Variants in AKAP10 observed in about 807,000 individuals in gnomAD.
AKAP10 encodes the protein A-kinase anchor protein 10, mitochondrial.
Under a neutral mutation model 80.8 loss-of-function variants are expected in AKAP10, and 24 were observed. That is an observed-to-expected ratio of 0.30 (90% CI 0.22 to 0.42). The LOEUF (loss-of-function observed/expected upper bound fraction) is 0.42, where lower values mean the gene tolerates loss of function less well. Ranked by LOEUF, AKAP10 falls within the 10% of genes least tolerant of loss-of-function variation. The pLI, the probability that AKAP10 is intolerant of heterozygous loss-of-function variation, is 1.00. For synonymous variants in AKAP10, 291 were observed against 277.7 expected (o/e 1.05, Z -0.48); for missense variants, 661 against 794.9 (o/e 0.83, Z 2.03).
At chr17:19,909,326 C>T (rs1346469277) in intron 13 of AKAP10, 50 bp from the exon 14 acceptor site, 6 of 1,484,016 alleles carry the variant, frequency 4.0e-6, no homozygotes, top group Non-Finnish European at 5.6e-6. Context: ...TTAGATGGAT[C>T]GAGATGCACA....
At chr17:19,910,605 C>G (rs377728024) in intron 12 of AKAP10, among the ~76,000 whole-genome samples, 4 of 152,102 alleles carry the variant, frequency 2.6e-5, no homozygotes, top group African/African-American at 9.7e-5. Flanking sequence ...TTGTGGCAAA[C>G]ATTAAAAAAC....
At chr17:19,966,025 G>T (rs1345528741) in intron 2 of AKAP10, among the ~76,000 whole-genome samples, 1 of 152,068 alleles carries the variant, frequency 6.6e-6, no homozygotes, top group Non-Finnish European at 1.5e-5. Flanking sequence ...ACTTAGGTTT[G>T]CTAGACTCTA....
intron 3 of AKAP10, among the ~76,000 whole-genome samples, chr17:19,961,868 C>G (rs1272381296): frequency 6.6e-6 from 1 of 152,130 alleles, no homozygotes. Flanking sequence ...GTAATCCCAG[C>G]ACTTTGGGAG....
chr17:19,927,292 C>T (rs2042885077), intron 10 of AKAP10, among the ~76,000 whole-genome samples: 1 of 151,984 alleles, frequency 6.6e-6, no homozygotes, highest in African/African-American at 2.4e-5. Context: ...TGTGATTGTG[C>T]CACTGCACTC....
intron 9 of AKAP10, among the ~76,000 whole-genome samples, chr17:19,934,068 T>A (rs1430761287): frequency 6.6e-6 from 1 of 151,988 alleles, no homozygotes; most frequent in Non-Finnish European, 1.5e-5. Flanking sequence ...ATTACAGGCA[T>A]GCACCACCAC....
intron 13 of AKAP10, 51 bp downstream of exon 13, chr17:19,909,875 G>A: frequency 6.4e-7 from 1 of 1,561,680 alleles, no homozygotes; most frequent in African/African-American, 1.4e-5. Flanking sequence ...TCACTTACAT[G>A]AGGGTGGCAC....
At chr17:19,973,947 T>A (rs1003472877) in intron 1 of AKAP10, among the ~76,000 whole-genome samples, 5 of 152,238 alleles carry the variant, frequency 3.3e-5, no homozygotes, top group African/African-American at 1.2e-4. Context: ...CTCATGCCTG[T>A]AATCCCAGCC....
chr17:19,968,815 C>G (rs2043457139), intron 1 of AKAP10, among the ~76,000 whole-genome samples: 1 of 152,126 alleles, frequency 6.6e-6, no homozygotes, highest in Non-Finnish European at 1.5e-5. Flanking sequence ...ATAATAAAAA[C>G]TACCTTAGAG....
intron 2 of AKAP10, among the ~76,000 whole-genome samples, chr17:19,964,049 G>A (rs909264024): frequency 3.3e-5 from 5 of 152,132 alleles, no homozygotes; most frequent in Non-Finnish European, 5.9e-5. Flanking sequence ...AATGAAGAGT[G>A]ACTGTCTTCA....
intron 11 of AKAP10, among the ~76,000 whole-genome samples, chr17:19,923,964 G>A (rs901251568): frequency 6.6e-6 from 1 of 152,192 alleles, no homozygotes; most frequent in Non-Finnish European, 1.5e-5. Context: ...GCTATCTTTA[G>A]GGAAGAGAAA....
Position 19,958,254 on chromosome 17 carries a change from C to T in AKAP10, c.637G>A (p.Ala213Thr). ...TCTGAATGAGTCATAAACAACTGTG[C>T]TGAGCCAGAATCCTCCAATCTCTTA... is the stretch of plus-strand genomic sequence containing the variant. ...LDKRLEDSGS[A>T]QLFMTHSEGI... Residue 213 changes from alanine to threonine, a missense_variant, in exon 4 of 15, where the codon GCA becomes ACA. By Grantham distance (58) the Ala-to-Thr change is moderately conservative (BLOSUM62 0). Transcript: ENST00000225737. 2 of 1,614,206 alleles carry T rather than the reference C, an allele frequency of 1.2e-6. No individual in the cohort carries two copies.
chr17:19,943,449 C>A (rs73980759), intron 5 of AKAP10, among the ~76,000 whole-genome samples: 1,869 of 152,180 alleles, frequency 0.012, 36 homozygotes, highest in African/African-American at 0.043. Context: ...CCACAAAAAA[C>A]CCAAAAGGAC....
At chr17:19,915,107 A>G (rs1426675286) in intron 12 of AKAP10, among the ~76,000 whole-genome samples, 7 of 152,202 alleles carry the variant, frequency 4.6e-5, no homozygotes, top group African/African-American at 1.7e-4. Flanking sequence ...TCTCATCTCT[A>G]ATGTAATCAC....
chr17:19,909,949 A>G lies in AKAP10; in HGVS notation c.1864T>C (p.Trp622Arg). ...GSMFSQAMKK[W>R]VQGNTDEAQE... is the part of the protein sequence containing the mutation. The stretch of plus-strand genomic sequence containing the variant: ...ACCTCATCAGTATTTCCTTGCACCC[A>G]TTTCTTCATAGCTTGTGAGAACATG... Residue 622 changes from tryptophan to arginine, a missense_variant, in exon 13 of 15, where the codon TGG becomes CGG. Trp to Arg is a moderately radical substitution (Grantham distance 101, BLOSUM62 -3). Coordinates refer to ENST00000225737, the MANE Select transcript of AKAP10 (RefSeq NM_007202.4). 6.2e-7 allele frequency: 1 copy of G among 1,613,878 alleles called. No individual in the cohort carries two copies. Among genetic ancestry groups the G allele is most frequent in the South Asian group, 1.1e-5 (1 of 91,058 alleles).
Position 19,936,282 on chromosome 17 carries a change from T to C in AKAP10, c.1467+4A>G. 6.2e-7 allele frequency: 1 copy of C among 1,607,420 alleles called. No individual in the cohort carries two copies. Among genetic ancestry groups the C allele is most frequent in the South Asian group, 1.1e-5 (1 of 90,048 alleles). On this transcript the variant is annotated splice_donor_region_variant and intron_variant, in intron 9 of 14. Coordinates refer to ENST00000225737, the MANE Select transcript of AKAP10 (RefSeq NM_007202.4). ...AGTTTGATACGTTTGAAGTTCTGGG[T>C]TACCTTCTCCATGGTTGTCCAGGCC...
At chr17:19,928,378 C>T (rs962408090) in intron 10 of AKAP10, among the ~76,000 whole-genome samples, 1 of 152,188 alleles carries the variant, frequency 6.6e-6, no homozygotes, top group African/African-American at 2.4e-5. Context: ...TGAAGTAGAA[C>T]TTATTGGAAT....
chr17:19,909,888 A>ATCC (rs2042670385), intron 13 of AKAP10, 38 bp downstream of exon 13: 2 of 1,604,478 alleles, frequency 1.2e-6, no homozygotes, highest in Non-Finnish European at 1.7e-6. Context: ...GGTGGCACTT[A>ATCC]TAAACAGAAA....
chr17:19,946,223 T>TAA (rs2043109730), intron 5 of AKAP10, among the ~76,000 whole-genome samples: 1 of 13,426 alleles, frequency 7.4e-5, no homozygotes, highest in Non-Finnish European at 1.4e-4. Flanking sequence ...ATATATATTT[T>TAA]ATATATATAT....
chr17:19,907,930 C>A (rs1406791394), intron 14 of AKAP10, among the ~76,000 whole-genome samples: 1 of 151,296 alleles, frequency 6.6e-6, no homozygotes, highest in Non-Finnish European at 1.5e-5. Context: ...GTGGTGCGAT[C>A]TCGGCTCACT....
Sources: allele counts gnomAD v4.1 joint callset (sites outside exome capture counted in the v4.1 genomes callset), GRCh38; gene constraint gnomAD v4.1.1; transcripts MANE v1.5; gene names NCBI Gene and HGNC (gene_info 2026-07-23, HGNC 2026-07-21).